FAP: variants seen among roughly 807,000 people sequenced by gnomAD.
The protein encoded by FAP is prolyl endopeptidase FAP.
A neutral mutation model predicts 126.5 loss-of-function variants in FAP; 110 were observed. The ratio of observed to expected loss-of-function variants is 0.87; its 90% CI spans 0.74 to 1.02. FAP has a LOEUF of 1.02. Among genes scored for constraint, FAP ranks in the 50% least tolerant of loss-of-function variants. The probability of loss-of-function intolerance (pLI) is 0.00; values close to 1 mark genes in which losing one functional copy is unlikely to be tolerated. For synonymous variants in FAP, 334 were observed against 297.3 expected (o/e 1.12, Z -1.27); for missense variants, 919 against 909.2 (o/e 1.01, Z -0.14).
Position 162,198,748 on chromosome 2 carries a change from G to T in FAP, c.1402+9C>A, listed in dbSNP as rs775800043. ...GGGATGCTGTGCTTATGTGAGGTCC[G>T]TTACCTACCGTAGCAGACAAGTGCA... On this transcript the variant is annotated intron_variant, in intron 16 of 25. Coordinates refer to ENST00000188790, the MANE Select transcript of FAP (RefSeq NM_004460.5). 3.7e-6 allele frequency: 6 copies of T among 1,613,820 alleles called. No individual in the cohort carries two copies. Among genetic ancestry groups the T allele is most frequent in the Non-Finnish European group, 5.1e-6 (6 of 1,179,856 alleles).
chr2:162,203,160 C>A lies in FAP; in HGVS notation c.1048-15G>T, dbSNP rs1348249028. 6.4e-7 allele frequency: 1 copy of A among 1,564,896 alleles called. No individual in the cohort carries two copies. Among genetic ancestry groups the A allele is most frequent in the Admixed American group, 1.7e-5 (1 of 59,214 alleles). On this transcript the variant is annotated splice_polypyrimidine_tract_variant and intron_variant, in intron 12 of 25. Coordinates refer to ENST00000188790, the MANE Select transcript of FAP (RefSeq NM_004460.5). ...GAAACAAAGAACTGAAAAAAATTAG[C>A]AGAGGTTATGTTCAAAAGACAAACC...
intron 10 of FAP, among the ~76,000 whole-genome samples, chr2:162,214,342 A>G (rs993286835): frequency 6.6e-6 from 1 of 152,148 alleles, no homozygotes; most frequent in Non-Finnish European, 1.5e-5. Context: ...TTTAGAAAAG[A>G]ATTTAAAACA....
Position 162,239,002 on chromosome 2 carries a change from T to TTA in FAP, c.91+3904_91+3905dup, listed in dbSNP as rs550890604. The stretch of plus-strand genomic sequence containing the variant: ...GACTCAGCTAAATAATCACTACATA[T>TTA]TATATATATATGTGTATGTATGTAG... On this transcript the variant is annotated intron_variant, in intron 2 of 25. Coordinates refer to ENST00000188790, the MANE Select transcript of FAP (RefSeq NM_004460.5). 3.7e-4 allele frequency among the ~76,000 whole-genome samples: 57 copies of TTA among 152,204 alleles called. No homozygotes were observed. In the East Asian group the frequency reaches 7.5e-3, roughly 20 times the overall value.
intron 15 of FAP, among the ~76,000 whole-genome samples, chr2:162,200,176 A>G (rs1241511123): frequency 2.0e-5 from 3 of 152,234 alleles, no homozygotes; most frequent in Non-Finnish European, 4.4e-5. Flanking sequence ...GGGTGGTGCC[A>G]AAGTGAGACA....
intron 15 of FAP, among the ~76,000 whole-genome samples, chr2:162,199,565 G>C (rs1001735370): frequency 6.6e-6 from 1 of 152,166 alleles, no homozygotes; most frequent in Admixed American, 6.5e-5. Flanking sequence ...GACCTTATCC[G>C]ACACCCTCAG....
At position 162,174,958 on chromosome 2, in the gene FAP, T is replaced by A; in HGVS notation, c.1878A>T (p.Gly626=). ...CAAGGGCCAGTGATGAAACGTATCCTCCATAGGACTGTAGAGACATTGTTA... is the reference window on the plus strand; with the variant it reads ...CAAGGGCCAGTGATGAAACGTATCCACCATAGGACTGTAGAGACATTGTTA... ...KRIAIWGWSY[G]GYVSSLALAS... is the part of the protein sequence containing the mutation. The change falls in exon 22 of 26, where the codon GGA becomes GGT. Residue 626 remains glycine (G), a synonymous_variant. Coordinates refer to ENST00000188790, the MANE Select transcript of FAP (RefSeq NM_004460.5). 1 of 1,610,174 alleles carries A rather than the reference T, an allele frequency of 6.2e-7. No individual in the cohort carries two copies. Among genetic ancestry groups the A allele is most frequent in the Non-Finnish European group, 8.5e-7 (1 of 1,176,806 alleles).
intron 22 of FAP, 61 bp from the exon 23 acceptor site, chr2:162,173,848 C>A: frequency 2.8e-6 from 3 of 1,077,282 alleles, no homozygotes; most frequent in East Asian, 2.4e-5. Context: ...CATTAACCAA[C>A]AAGACCTTCT....
chr2:162,193,335 T>C (rs771127840), intron 17 of FAP, among the ~76,000 whole-genome samples: 3 of 152,210 alleles, frequency 2.0e-5, no homozygotes, highest in Non-Finnish European at 4.4e-5. Context: ...TGTGGAACTG[T>C]GCTCTGAAAG....
intron 15 of FAP, 121 bp downstream of exon 15, chr2:162,200,444 AT>A (rs1688451271): frequency 3.3e-6 from 2 of 608,388 alleles, no homozygotes; most frequent in Admixed American, 3.4e-5. Context: ...TTTTCTCTAA[AT>A]TCATAAATGA....
chr2:162,226,271 A>G (rs1689641951), intron 3 of FAP, among the ~76,000 whole-genome samples: 1 of 152,166 alleles, frequency 6.6e-6, no homozygotes, highest in Admixed American at 6.5e-5. Context: ...AGAAGTTCAA[A>G]TTATTTCAAC....
At chr2:162,218,985 C>T in intron 8 of FAP, 78 bp downstream of exon 8, 1 of 1,208,698 alleles carries the variant, frequency 8.3e-7, no homozygotes, top group Non-Finnish European at 1.1e-6. Context: ...TACTACTCAT[C>T]TAAATCTTAC....
At chr2:162,208,264 A>G (rs937835887) in intron 12 of FAP, among the ~76,000 whole-genome samples, 2 of 152,000 alleles carry the variant, frequency 1.3e-5, no homozygotes, top group African/African-American at 4.8e-5. Flanking sequence ...TAAAAAAAAA[A>G]AAAAGGTCTA....
At chr2:162,220,088 CAT>C (rs1689327350) in intron 6 of FAP, among the ~76,000 whole-genome samples, 163 bp from the exon 7 acceptor site, 1 of 152,152 alleles carries the variant, frequency 6.6e-6, no homozygotes. Flanking sequence ...GAACTGGAGA[CAT>C]AGGTGTTGAT....
At position 162,171,044 on chromosome 2, in the gene FAP, A is replaced by G. The variant is rs745778711; in HGVS notation, c.2218T>C (p.Ser740Pro). Residue 740 changes from serine (S) to proline (P), a missense_variant, in exon 26 of 26, where the codon TCC becomes CCC. Coordinates refer to ENST00000188790, the MANE Select transcript of FAP (RefSeq NM_004460.5). ...SDQNHGLSGL[S>P]TNHLYTHMTH... ...ATGTGGGTGTATAAGTGGTTCGTGGACAGGCCGGATAAGCCGTGGTTCTGG... is the reference window on the plus strand; with the variant it reads ...ATGTGGGTGTATAAGTGGTTCGTGGGCAGGCCGGATAAGCCGTGGTTCTGG... The G allele has an allele frequency of 6.2e-7, 1 of 1,613,264 alleles. No individual in the cohort carries two copies. The highest frequency in any genetic ancestry group is 8.5e-7 in the Non-Finnish European group (1 of 1,179,360).
intron 2 of FAP, among the ~76,000 whole-genome samples, chr2:162,228,606 G>T (rs1456308480): frequency 2.0e-5 from 3 of 152,040 alleles, no homozygotes; most frequent in African/African-American, 7.2e-5. Flanking sequence ...TAATAGAATT[G>T]TTATTCTATT....
At chr2:162,201,756 C>T (rs1270799429) in intron 14 of FAP, among the ~76,000 whole-genome samples, 1 of 152,126 alleles carries the variant, frequency 6.6e-6, no homozygotes, top group Admixed American at 6.5e-5. Flanking sequence ...GTGCTAAGTG[C>T]TAAGGACGCA....
At chr2:162,180,905 C>T (rs1019053558) in intron 21 of FAP, among the ~76,000 whole-genome samples, 8 of 152,036 alleles carry the variant, frequency 5.3e-5, no homozygotes, top group Non-Finnish European at 7.4e-5. Flanking sequence ...TTTGACACCA[C>T]AAGGGTTTGC....
intron 14 of FAP, among the ~76,000 whole-genome samples, chr2:162,201,213 G>A (rs1464180104): frequency 1.3e-5 from 2 of 152,132 alleles, no homozygotes; most frequent in African/African-American, 4.8e-5. Flanking sequence ...TCTGCTGTAT[G>A]TTCATCTGAG....
chr2:162,196,691 T>C (rs931234749), intron 16 of FAP, among the ~76,000 whole-genome samples: 5 of 152,166 alleles, frequency 3.3e-5, no homozygotes, highest in Non-Finnish European at 5.9e-5. Flanking sequence ...GATCCTATCA[T>C]CTGGGACTTA....
Sources: gnomAD v4.1 joint callset for allele counts (sites outside exome capture counted in the v4.1 genomes callset) on GRCh38, gnomAD v4.1.1 for gene constraint, MANE v1.5 for transcripts, NCBI Gene and HGNC (gene_info 2026-07-23, HGNC 2026-07-21) for gene names.